The following RASGRP3 variants were observed in gnomAD, a reference collection of about 807,000 sequenced individuals.
The protein encoded by RASGRP3 is ras guanyl-releasing protein 3.
A neutral mutation model predicts 82.7 loss-of-function variants in RASGRP3; 54 were observed. The ratio of observed to expected loss-of-function variants is 0.65; its 90% CI spans 0.52 to 0.82. RASGRP3 has a LOEUF of 0.82. RASGRP3 is among the 40% of genes least tolerant of loss of function. The pLI is 0.00. For synonymous variants in RASGRP3, 309 were observed against 300.5 expected (o/e 1.03, Z -0.29); for missense variants, 861 against 828.9 (o/e 1.04, Z -0.48).
upstream of RASGRP3, among the ~76,000 whole-genome samples, chr2:33,475,042 T>C (rs921709987): frequency 1.3e-5 from 2 of 152,222 alleles, no homozygotes; most frequent in Admixed American, 6.5e-5. Flanking sequence ...AGGGGGTAAG[T>C]AAATCAAAAT....
intron 16 of RASGRP3, 112 bp downstream of exon 16, chr2:33,558,448 G>A: frequency 1.3e-6 from 2 of 1,505,638 alleles, no homozygotes; most frequent in Non-Finnish European, 9.0e-7. Context: ...AAACGCTAAG[G>A]CCTTCTTTAG....
At chr2:33,549,857 C>G in intron 14 of RASGRP3, 106 bp downstream of exon 14, 1 of 1,323,008 alleles carries the variant, frequency 7.6e-7, no homozygotes, top group Non-Finnish European at 1.0e-6. Flanking sequence ...TGCTTTGAAT[C>G]AGAAGTAAAA....
chr2:33,488,165 A>G (rs1232308946), intron 1 of RASGRP3, among the ~76,000 whole-genome samples: 1 of 152,250 alleles, frequency 6.6e-6, no homozygotes, highest in East Asian at 1.9e-4. Context: ...GTTGCCATAC[A>G]GAGCAGCCAC....
chr2:33,548,138 G>A (rs1674986079), intron 13 of RASGRP3, among the ~76,000 whole-genome samples: 2 of 152,074 alleles, frequency 1.3e-5, no homozygotes, highest in African/African-American at 4.8e-5. Context: ...GAGGCGGGCG[G>A]ATCACAAGGT....
intron 14 of RASGRP3, among the ~76,000 whole-genome samples, chr2:33,550,160 AT>A (rs1675224675): frequency 6.6e-6 from 1 of 152,308 alleles, no homozygotes; most frequent in African/African-American, 2.4e-5. Flanking sequence ...TGGTTCAATA[AT>A]TCACAACTCA....
intron 14 of RASGRP3, among the ~76,000 whole-genome samples, chr2:33,550,599 G>A (rs1461517411): frequency 6.6e-6 from 1 of 152,146 alleles, no homozygotes; most frequent in Non-Finnish European, 1.5e-5. Context: ...TGGGAAATGT[G>A]GTATTCCAGG....
chr2:33,557,492 G>C (rs987841038), intron 15 of RASGRP3, among the ~76,000 whole-genome samples: 8 of 152,074 alleles, frequency 5.3e-5, no homozygotes, highest in Non-Finnish European at 8.8e-5. Flanking sequence ...GGTGGATCAC[G>C]AGGTCAGGAG....
At chr2:33,558,453 C>T (rs1027522656) in intron 16 of RASGRP3, 117 bp downstream of exon 16, 1 of 1,473,380 alleles carries the variant, frequency 6.8e-7, no homozygotes, top group Non-Finnish European at 9.2e-7. Context: ...CTAAGGCCTT[C>T]TTTAGGGTGA....
intron 2 of RASGRP3, among the ~76,000 whole-genome samples, chr2:33,453,698 G>A (rs1045261244): frequency 2.6e-5 from 4 of 152,310 alleles, no homozygotes; most frequent in Admixed American, 2.6e-4. Context: ...TTCAGCATGA[G>A]CAAGGACTAC....
intron 15 of RASGRP3, 137 bp downstream of exon 15, chr2:33,555,704 T>C (rs1675875531): frequency 4.0e-6 from 3 of 751,764 alleles, no homozygotes; most frequent in East Asian, 5.8e-5. Flanking sequence ...CTGAGAATGA[T>C]TGCCTCTGAG....
Position 33,511,085 on chromosome 2 carries a change from A to T in RASGRP3, c.-260-625A>T, listed in dbSNP as rs567371671. Among the ~76,000 whole-genome samples, 135 of 152,320 alleles carry T rather than the reference A, an allele frequency of 8.9e-4. 1 individual carries two copies. Among genetic ancestry groups the T allele is most frequent in the African/African-American group, 2.9e-3 (122 of 41,564 alleles). ...AACTCTATTGCCCTTTAAAAATAAC[A>T]CTTTTCTTTTAGAAATAATTCAAAC... On this transcript the variant is annotated intron_variant, in intron 1 of 17. Coordinates refer to ENST00000403687, the MANE Select transcript of RASGRP3 (RefSeq NM_001139488.2).
intron 1 of RASGRP3, among the ~76,000 whole-genome samples, chr2:33,488,789 T>G (rs777154006): frequency 6.6e-6 from 1 of 152,218 alleles, no homozygotes; most frequent in South Asian, 2.1e-4. Context: ...GAATTAAAAA[T>G]CAAGTTGAGA....
intron 2 of RASGRP3, among the ~76,000 whole-genome samples, chr2:33,470,461 G>C (rs1047747967): frequency 2.7e-5 from 4 of 150,510 alleles, no homozygotes; most frequent in African/African-American, 9.8e-5. Flanking sequence ...CTCACTGCAA[G>C]CTCCGCCTGA....
At chr2:33,531,398 GA>G (rs1673097738) in intron 10 of RASGRP3, among the ~76,000 whole-genome samples, 1 of 152,238 alleles carries the variant, frequency 6.6e-6, no homozygotes, top group South Asian at 2.1e-4. Flanking sequence ...GCCCAGAGGA[GA>G]TCTGAGAGAG....
intron 9 of RASGRP3, 103 bp downstream of exon 9, chr2:33,524,651 C>T: frequency 1.2e-6 from 1 of 860,800 alleles, no homozygotes; most frequent in Non-Finnish European, 1.8e-6. Flanking sequence ...GAAAGTTTTC[C>T]TCTTAAACCA....
chr2:33,472,086 AT>A (rs953746797), upstream of RASGRP3, among the ~76,000 whole-genome samples: 49 of 151,916 alleles, frequency 3.2e-4, no homozygotes, highest in Admixed American at 2.1e-3. Context: ...CTTTTCTTAT[AT>A]TTTTTTCTTA....
intron 1 of RASGRP3, among the ~76,000 whole-genome samples, chr2:33,494,896 T>C (rs998714138): frequency 1.3e-5 from 2 of 152,226 alleles, no homozygotes; most frequent in South Asian, 2.1e-4. Context: ...TGGAAATAAA[T>C]ACTAATGTCT....
chr2:33,564,448 T>C lies in RASGRP3; in HGVS notation c.*1711T>C, dbSNP rs140478579. On this transcript the variant is annotated 3_prime_UTR_variant, in exon 18 of 18. Coordinates refer to ENST00000403687, the MANE Select transcript of RASGRP3 (RefSeq NM_001139488.2). Reference sequence around the variant, plus strand: ...GTTTCATGTATATTACACTATCTACTACTATCCATAAATGCAATAATATGC... The same window carrying C: ...GTTTCATGTATATTACACTATCTACCACTATCCATAAATGCAATAATATGC... 1.3e-5 allele frequency: 2 copies of C among 152,324 alleles called. No individual in the cohort carries two copies. The highest frequency in any genetic ancestry group is 1.5e-5 in the Non-Finnish European group (1 of 68,026). 9.4% of individuals were successfully genotyped at this position (152,324 alleles called of 1,614,324 possible). A position where few individuals can be genotyped will look rare whatever the true frequency, so the allele number is the denominator to read the frequency against.
At chr2:33,519,472 C>G (rs1671799131) in intron 4 of RASGRP3, among the ~76,000 whole-genome samples, 1 of 152,040 alleles carries the variant, frequency 6.6e-6, no homozygotes, top group African/African-American at 2.4e-5. Context: ...AAAAATTAGC[C>G]AGGCATGTTG....
Sources: gnomAD v4.1 joint callset for allele counts (sites outside exome capture counted in the v4.1 genomes callset) on GRCh38, gnomAD v4.1.1 for gene constraint, MANE v1.5 for transcripts, NCBI Gene and HGNC (gene_info 2026-07-23, HGNC 2026-07-21) for gene names.